Variants in TNR observed in about 807,000 individuals in gnomAD.
TNR encodes the protein tenascin-R.
In TNR, 45 loss-of-function variants were observed where a neutral mutation model predicts 150.4. The ratio of observed to expected loss-of-function variants is 0.30; its 90% CI spans 0.24 to 0.38. The LOEUF (loss-of-function observed/expected upper bound fraction) is 0.38, where lower values mean the gene tolerates loss of function less well. Among genes scored for constraint, TNR ranks in the 10% least tolerant of loss-of-function variants. The pLI, the probability that TNR is intolerant of heterozygous loss-of-function variation, is 1.00. For synonymous variants in TNR, 687 were observed against 678.4 expected, an observed-to-expected ratio of 1.01 and a Z score of -0.20; for missense variants, 1,544 against 1,759.1, an observed-to-expected ratio of 0.88 and a Z score of 2.19.
intron 1 of TNR, among the ~76,000 whole-genome samples, chr1:175,587,698 C>T (rs1662629695): frequency 6.6e-6 from 1 of 152,098 alleles, no homozygotes. Context: ...AGACCCTACC[C>T]CAATAATTTT....
At chr1:175,491,493 T>C (rs1281740117) in intron 2 of TNR, among the ~76,000 whole-genome samples, 1 of 152,152 alleles carries the variant, frequency 6.6e-6, no homozygotes, top group Non-Finnish European at 1.5e-5. Flanking sequence ...AAGGCTGAAC[T>C]ATGATGATTT....
At chr1:175,683,784 A>G (rs17312104) in intron 1 of TNR, among the ~76,000 whole-genome samples, 22,764 of 152,222 alleles carry the variant, frequency 0.15, 1,814 homozygotes, top group South Asian at 0.22. Context: ...ATCAGCTTCC[A>G]ACAGTGATTA....
At chr1:175,632,848 A>T (rs534274829) in intron 1 of TNR, among the ~76,000 whole-genome samples, 21 of 152,166 alleles carry the variant, frequency 1.4e-4, no homozygotes, top group Non-Finnish European at 2.6e-4. Context: ...TCCATGACTC[A>T]AATCCAGAAC....
chr1:175,388,405 G>A (rs1460948317), intron 7 of TNR, among the ~76,000 whole-genome samples: 1 of 152,222 alleles, frequency 6.6e-6, no homozygotes, highest in African/African-American at 2.4e-5. Flanking sequence ...AGCTGTGGGA[G>A]GTCTTGTAAT....
chr1:175,487,176 T>C (rs1458115834), intron 2 of TNR, among the ~76,000 whole-genome samples: 1 of 152,204 alleles, frequency 6.6e-6, no homozygotes, highest in African/African-American at 2.4e-5. Flanking sequence ...GCTTTTGGTG[T>C]TTTAGTCAGG....
chr1:175,530,003 C>T (rs976216046), intron 1 of TNR, among the ~76,000 whole-genome samples: 1 of 152,206 alleles, frequency 6.6e-6, no homozygotes, highest in Non-Finnish European at 1.5e-5. Flanking sequence ...ATGTTTATTA[C>T]ATTTTAAAGT....
At position 175,341,013 on chromosome 1, in the gene TNR, T is replaced by C. The variant is rs186721413; in HGVS notation, c.3383-3334A>G. Reference sequence around the variant, plus strand: ...CATTTAGCCTGGAGTCTAAGCTTTGTGTCCTAGTATTTATTGTTTTGTTCT... The same window carrying C: ...CATTTAGCCTGGAGTCTAAGCTTTGCGTCCTAGTATTTATTGTTTTGTTCT... On this transcript the variant is annotated intron_variant, in intron 18 of 22. Coordinates refer to ENST00000367674, the MANE Select transcript of TNR (RefSeq NM_003285.3). 8.2e-4 allele frequency among the ~76,000 whole-genome samples: 125 copies of C among 152,364 alleles called. 1 individual carries two copies. The highest frequency in any genetic ancestry group is 2.9e-3 in the African/African-American group (121 of 41,586).
chr1:175,408,356 C>T (rs900203610), intron 2 of TNR, among the ~76,000 whole-genome samples: 3 of 152,340 alleles, frequency 2.0e-5, no homozygotes, highest in East Asian at 1.9e-4. Context: ...TTTAATCCCT[C>T]TCCATTATCC....
intron 1 of TNR, among the ~76,000 whole-genome samples, chr1:175,549,999 C>CAATA (rs1277779527): frequency 1.2e-4 from 18 of 152,104 alleles, no homozygotes; most frequent in African/African-American, 4.3e-4. Flanking sequence ...TGTTGTGCAG[C>CAATA]AATAGAGAGC....
chr1:175,735,160 TG>T (rs1667739421), intron 1 of TNR, among the ~76,000 whole-genome samples: 1 of 152,192 alleles, frequency 6.6e-6, no homozygotes, highest in Non-Finnish European at 1.5e-5. Flanking sequence ...GGCTTTCATC[TG>T]GTGTTCAGGG....
chr1:175,646,390 G>A (rs1320524578), intron 1 of TNR, among the ~76,000 whole-genome samples: 1 of 152,226 alleles, frequency 6.6e-6, no homozygotes, highest in South Asian at 2.1e-4. Flanking sequence ...TCTGCCAGTA[G>A]AGCAGGAGCA....
At chr1:175,735,067 T>C (rs935933203) in intron 1 of TNR, among the ~76,000 whole-genome samples, 2 of 152,266 alleles carry the variant, frequency 1.3e-5, no homozygotes, top group Non-Finnish European at 2.9e-5. Flanking sequence ...CATCTCTCTG[T>C]GGCACAGACT....
intron 1 of TNR, among the ~76,000 whole-genome samples, chr1:175,560,976 T>G (rs1455485514): frequency 6.6e-6 from 1 of 152,080 alleles, no homozygotes; most frequent in African/African-American, 2.4e-5. Context: ...ACTTGAGTGA[T>G]TCTCCTTTCT....
At chr1:175,510,183 T>C (rs1659111739) in intron 2 of TNR, among the ~76,000 whole-genome samples, 1 of 152,158 alleles carries the variant, frequency 6.6e-6, no homozygotes, top group Non-Finnish European at 1.5e-5. Context: ...GAGTCATGTT[T>C]GTACCACTGC....
intron 2 of TNR, among the ~76,000 whole-genome samples, chr1:175,473,428 T>A (rs1178097764): frequency 6.6e-6 from 1 of 152,030 alleles, no homozygotes; most frequent in Non-Finnish European, 1.5e-5. Context: ...AGGGGAGAGA[T>A]GTTGTTTAGG....
intron 14 of TNR, 43 bp from the exon 15 acceptor site, chr1:175,359,774 A>G (rs764070777): frequency 1.1e-5 from 18 of 1,567,556 alleles, no homozygotes; most frequent in Middle Eastern, 3.6e-4. Context: ...GAGGAGCTGC[A>G]GGATAGAAAT....
At position 175,369,190 on chromosome 1, in the gene TNR, C is replaced by G. The variant is rs1045070840; in HGVS notation, c.1964-1893G>C. 7.9e-5 allele frequency among the ~76,000 whole-genome samples: 12 copies of G among 152,296 alleles called. 1 individual carries two copies. The East Asian group carries it at 1.4e-3, about 17-fold the overall frequency. On this transcript the variant is annotated intron_variant, in intron 9 of 22. Transcript: ENST00000367674. ...AACCTTGGGAGGAAGGTGGGATAAGCAGTCTTTTCTCCATCTACATTAGCT... is the reference window on the plus strand; with the variant it reads ...AACCTTGGGAGGAAGGTGGGATAAGGAGTCTTTTCTCCATCTACATTAGCT...
intron 1 of TNR, among the ~76,000 whole-genome samples, chr1:175,529,579 G>T (rs1170624539): frequency 6.6e-6 from 1 of 152,190 alleles, no homozygotes; most frequent in African/African-American, 2.4e-5. Context: ...TGATATAAAT[G>T]CCAGGTATTT....
At chr1:175,336,928 T>C (rs1222474399) in intron 19 of TNR, among the ~76,000 whole-genome samples, 1 of 152,252 alleles carries the variant, frequency 6.6e-6, no homozygotes, top group African/African-American at 2.4e-5. Flanking sequence ...TTACTCACTC[T>C]GTCACCCAGG....
Sources: gnomAD v4.1 joint callset for allele counts (sites outside exome capture counted in the v4.1 genomes callset) on GRCh38, gnomAD v4.1.1 for gene constraint, MANE v1.5 for transcripts, NCBI Gene and HGNC (gene_info 2026-07-23, HGNC 2026-07-21) for gene names.